Variants in TSPAN18 observed in about 807,000 individuals in gnomAD.
TSPAN18 encodes tetraspanin-18.
In TSPAN18, 14 loss-of-function variants were observed where a neutral mutation model predicts 27.3. The ratio of observed to expected loss-of-function variants is 0.51; its 90% confidence interval spans 0.34 to 0.80. The LOEUF (loss-of-function observed/expected upper bound fraction) is 0.80. Among genes scored for constraint, TSPAN18 ranks in the 30% least tolerant of loss-of-function variants. The probability of loss-of-function intolerance (pLI) is 0.01; values close to 1 mark genes in which losing one functional copy is unlikely to be tolerated. For synonymous variants in TSPAN18, 143 were observed against 136.5 expected (o/e 1.05, Z -0.33); for missense variants, 268 against 323.9 (o/e 0.83, Z 1.32).
At position 44,930,213 on chromosome 11, in the gene TSPAN18, C is replaced by T. The variant is rs747361545; in HGVS notation, c.*1035C>T. The T allele has an allele frequency of 1.3e-5, 2 of 152,510 alleles. No individual in the cohort carries two copies. The highest frequency in any genetic ancestry group is 1.5e-5 in the Non-Finnish European group (1 of 68,246). The allele number at this position is 152,510 out of a possible 1,614,324, so 9.4% of individuals were successfully genotyped here. ...CCCAAGATCATCTGGGTCTCCCTCT[C>T]CACACCCAGAACTGAGGCTTGGATA... On this transcript the variant is annotated 3_prime_UTR_variant, in exon 10 of 10. Coordinates refer to ENST00000520358, the MANE Select transcript of TSPAN18 (RefSeq NM_130783.5).
In TSPAN18 at chr11:44,908,818, A is replaced by AG. The variant is rs1859593428; in HGVS notation, c.64-886dup. Among the ~76,000 whole-genome samples the AG allele has an allele frequency of 1.7e-5, 2 of 117,084 alleles. 1 individual carries two copies. The highest frequency in any genetic ancestry group is 7.1e-5 in the African/African-American group (2 of 28,008). The allele number at this position is 117,084 out of a possible 152,430, so 76.8% of individuals were successfully genotyped here. ...AAGAAAGAAAGAAAGAAAGAAAGAA[A>AG]GAAAGAAAGAAAAAGAAAAATGGAG... On this transcript the variant is annotated intron_variant, in intron 4 of 9. Coordinates refer to ENST00000520358, the MANE Select transcript of TSPAN18 (RefSeq NM_130783.5).
chr11:44,894,458 G>T (rs879855945), intron 3 of TSPAN18, among the ~76,000 whole-genome samples: 1 of 152,220 alleles, frequency 6.6e-6, no homozygotes, highest in Non-Finnish European at 1.5e-5. Flanking sequence ...TCTCTAGAAA[G>T]CATGCCTGGG....
chr11:44,742,249 C>G (rs540247669), intron 1 of TSPAN18, among the ~76,000 whole-genome samples: 172 of 148,170 alleles, frequency 1.2e-3, no homozygotes, highest in Middle Eastern at 3.5e-3. Flanking sequence ...TGCCTCACCC[C>G]TCCCCTCCCC....
chr11:44,759,127 A>G (rs1353042491), intron 1 of TSPAN18, among the ~76,000 whole-genome samples: 2 of 152,224 alleles, frequency 1.3e-5, no homozygotes, highest in Non-Finnish European at 2.9e-5. Flanking sequence ...CCTGTTCACA[A>G]GCTGGCTTAT....
intron 2 of TSPAN18, among the ~76,000 whole-genome samples, chr11:44,778,484 G>A (rs1296857140): frequency 6.6e-6 from 1 of 152,154 alleles, no homozygotes; most frequent in Non-Finnish European, 1.5e-5. Context: ...CCTTCTAGAA[G>A]GAAGGTGAAG....
intron 3 of TSPAN18, among the ~76,000 whole-genome samples, chr11:44,866,713 T>A (rs915951562): frequency 6.6e-5 from 10 of 152,064 alleles, no homozygotes; most frequent in Non-Finnish European, 1.0e-4. Flanking sequence ...TCTCCACCCC[T>A]CCCCTCAAGC....
intron 2 of TSPAN18, among the ~76,000 whole-genome samples, chr11:44,833,883 T>C (rs1049284190): frequency 8.6e-5 from 13 of 151,982 alleles, no homozygotes; most frequent in Non-Finnish European, 1.9e-4. Flanking sequence ...AATTAGATGC[T>C]CACCCCCACC....
At chr11:44,897,825 C>A (rs1391201531) in intron 3 of TSPAN18, 1 of 1,289,280 alleles carries the variant, frequency 7.8e-7, no homozygotes, top group African/African-American at 1.5e-5. Flanking sequence ...GAAGAACTGC[C>A]CAGGTGACAC....
At chr11:44,882,629 G>C (rs12416900) in intron 3 of TSPAN18, among the ~76,000 whole-genome samples, 13,404 of 55,330 alleles carry the variant, frequency 0.24, 1,232 homozygotes, top group East Asian at 0.48. Flanking sequence ...CACACACACA[G>C]AGAGAGAGCA....
At chr11:44,906,037 G>A (rs1391480895) in intron 3 of TSPAN18, among the ~76,000 whole-genome samples, 1 of 152,240 alleles carries the variant, frequency 6.6e-6, no homozygotes, top group Non-Finnish European at 1.5e-5. Context: ...GAGCAACAAC[G>A]TGAAGCGGGA....
intron 3 of TSPAN18, among the ~76,000 whole-genome samples, chr11:44,893,232 C>CAT (rs1858916326): frequency 6.6e-6 from 1 of 152,208 alleles, no homozygotes; most frequent in Non-Finnish European, 1.5e-5. Context: ...CTTCCCAGAG[C>CAT]CTGCAGATGC....
intron 2 of TSPAN18, among the ~76,000 whole-genome samples, chr11:44,773,171 C>A (rs1855728101): frequency 6.6e-6 from 1 of 152,058 alleles, no homozygotes; most frequent in Non-Finnish European, 1.5e-5. Context: ...AATCCCAGCA[C>A]TTTGGGAGGC....
Position 44,761,467 on chromosome 11 carries a change from T to C in TSPAN18, c.-239-2959T>C, listed in dbSNP as rs139734000. 9.5e-3 allele frequency among the ~76,000 whole-genome samples: 1,446 copies of C among 152,324 alleles called. 7 individuals carry two copies. The highest frequency in any genetic ancestry group is 0.015 in the Non-Finnish European group (993 of 68,026). Reference sequence around the variant, plus strand: ...AGCCCAGCTGGTTTCCCTCACACAATGCAGATTTGCTTAAATGGGAATTAG... The same window carrying C: ...AGCCCAGCTGGTTTCCCTCACACAACGCAGATTTGCTTAAATGGGAATTAG... On this transcript the variant is annotated intron_variant, in intron 1 of 9. Transcript: ENST00000520358.
chr11:44,827,895 C>T (rs374213463), intron 2 of TSPAN18, among the ~76,000 whole-genome samples: 6 of 152,208 alleles, frequency 3.9e-5, no homozygotes, highest in African/African-American at 1.4e-4. Flanking sequence ...TGCCTTCATC[C>T]TCTGCAGGCT....
chr11:44,897,389 G>C (rs1859098713), intron 3 of TSPAN18, among the ~76,000 whole-genome samples: 1 of 152,126 alleles, frequency 6.6e-6, no homozygotes, highest in South Asian at 2.1e-4. Flanking sequence ...TGGATGCCTG[G>C]GTGGCATCCA....
At chr11:44,831,629 C>G (rs1047561528) in intron 2 of TSPAN18, among the ~76,000 whole-genome samples, 1 of 152,220 alleles carries the variant, frequency 6.6e-6, no homozygotes, top group African/African-American at 2.4e-5. Flanking sequence ...CTCGCTCACT[C>G]ACTCATTCAT....
chr11:44,784,460 ATGTATTCAGG>A (rs1449490562), intron 2 of TSPAN18, among the ~76,000 whole-genome samples: 2 of 152,198 alleles, frequency 1.3e-5, no homozygotes, highest in Non-Finnish European at 2.9e-5. Flanking sequence ...GATGTTGAGA[ATGTATTCAGG>A]CATGAATGCC....
chr11:44,918,823 G>C (rs960537010), intron 6 of TSPAN18, among the ~76,000 whole-genome samples: 3 of 151,818 alleles, frequency 2.0e-5, no homozygotes, highest in African/African-American at 7.3e-5. Context: ...CTTCCTGCCC[G>C]GTCCTGTAGC....
At chr11:44,845,361 T>C (rs554128959) in intron 2 of TSPAN18, among the ~76,000 whole-genome samples, 2 of 152,334 alleles carry the variant, frequency 1.3e-5, no homozygotes, top group African/African-American at 4.8e-5. Flanking sequence ...AAGGTGATAC[T>C]GCGTGCAAAG....
Sources: allele counts gnomAD v4.1 joint callset (sites outside exome capture counted in the v4.1 genomes callset), GRCh38; gene constraint gnomAD v4.1.1; transcripts MANE v1.5; gene names NCBI Gene and HGNC (gene_info 2026-07-23, HGNC 2026-07-21).